STK32B: variants seen among roughly 807,000 people sequenced by gnomAD.
The protein encoded by STK32B is serine/threonine-protein kinase 32B.
In STK32B, 43 loss-of-function variants were observed where a neutral mutation model predicts 52.6. The ratio of observed to expected loss-of-function variants is 0.82; its 90% CI spans 0.64 to 1.05. The LOEUF is 1.05. Ranked by LOEUF, STK32B falls within the 50% of genes least tolerant of loss-of-function variation. The probability of loss-of-function intolerance (pLI) is 0.00; values close to 1 mark genes in which losing one functional copy is unlikely to be tolerated. For synonymous variants in STK32B, 238 were observed against 204.3 expected (o/e 1.17, Z -1.41); for missense variants, 621 against 534.6 (o/e 1.16, Z -1.59).
intron 3 of STK32B, among the ~76,000 whole-genome samples, chr4:5,176,744 T>G (rs532868027): frequency 1.3e-5 from 2 of 152,284 alleles, no homozygotes; most frequent in African/African-American, 4.8e-5. Context: ...GTGCCCAGCC[T>G]TAGGCACCAT....
intron 1 of STK32B, among the ~76,000 whole-genome samples, chr4:5,073,824 T>C (rs140669660): frequency 6.1e-4 from 93 of 152,222 alleles, no homozygotes; most frequent in Admixed American, 2.9e-3. Flanking sequence ...CTTTGTTTTT[T>C]TCTGAAAAGT....
At chr4:5,106,386 G>A (rs1714108831) in intron 1 of STK32B, among the ~76,000 whole-genome samples, 1 of 152,124 alleles carries the variant, frequency 6.6e-6, no homozygotes, top group African/African-American at 2.4e-5. Context: ...CATTTGCAAT[G>A]ATGTTTAAGA....
chr4:5,122,242 ACATTTACT>A (rs961479560), intron 1 of STK32B, among the ~76,000 whole-genome samples: 1 of 151,842 alleles, frequency 6.6e-6, no homozygotes, highest in African/African-American at 2.4e-5. Flanking sequence ...TCATTCACTC[ACATTTACT>A]CATTTACTCA....
At chr4:5,094,105 A>C (rs1577063931) in intron 1 of STK32B, among the ~76,000 whole-genome samples, 2 of 152,180 alleles carry the variant, frequency 1.3e-5, no homozygotes, top group Non-Finnish European at 2.9e-5. Flanking sequence ...TCTTACATTG[A>C]AAGTGCAGCT....
At chr4:5,235,058 G>A (rs996341239) in intron 3 of STK32B, among the ~76,000 whole-genome samples, 2 of 152,166 alleles carry the variant, frequency 1.3e-5, no homozygotes, top group Admixed American at 6.5e-5. Context: ...AGAACATTTC[G>A]TTTCTCAAGC....
intron 11 of STK32B, among the ~76,000 whole-genome samples, chr4:5,497,752 G>T (rs1178873962): frequency 2.6e-5 from 4 of 152,064 alleles, no homozygotes; most frequent in African/African-American, 9.7e-5. Flanking sequence ...CCTGTCTAAG[G>T]GCATAGACTG....
chr4:5,156,271 A>C (rs1560183204), intron 2 of STK32B, among the ~76,000 whole-genome samples: 1 of 151,818 alleles, frequency 6.6e-6, no homozygotes, highest in East Asian at 1.9e-4. Context: ...ATATAATATA[A>C]ATGCATGAAT....
At chr4:5,342,608 C>A (rs1733160788) in intron 4 of STK32B, among the ~76,000 whole-genome samples, 1 of 152,146 alleles carries the variant, frequency 6.6e-6, no homozygotes, top group African/African-American at 2.4e-5. Flanking sequence ...TGAGAAATCT[C>A]TCCCCAGGAT....
chr4:5,369,633 A>G (rs997971450), intron 4 of STK32B, among the ~76,000 whole-genome samples: 1 of 152,136 alleles, frequency 6.6e-6, no homozygotes, highest in Non-Finnish European at 1.5e-5. Flanking sequence ...ATGCTGACAC[A>G]TCATGCCTGC....
chr4:5,237,128 C>T (rs1724690690), intron 3 of STK32B, among the ~76,000 whole-genome samples: 1 of 152,110 alleles, frequency 6.6e-6, no homozygotes, highest in South Asian at 2.1e-4. Flanking sequence ...AGGCTGAAAT[C>T]CAGCTGGAAT....
At chr4:5,091,201 C>T (rs1713062088) in intron 1 of STK32B, among the ~76,000 whole-genome samples, 1 of 151,366 alleles carries the variant, frequency 6.6e-6, no homozygotes, top group Admixed American at 6.6e-5. Context: ...AACACAGTAA[C>T]AAAAAAGTAA....
chr4:5,084,820 GA>G (rs1265867530), intron 1 of STK32B, among the ~76,000 whole-genome samples: 3 of 152,078 alleles, frequency 2.0e-5, no homozygotes, highest in Non-Finnish European at 4.4e-5. Flanking sequence ...GTTTTTTAAA[GA>G]CAACCTTTAA....
intron 2 of STK32B, among the ~76,000 whole-genome samples, chr4:5,166,056 A>T (rs1343083272): frequency 6.6e-6 from 1 of 152,168 alleles, no homozygotes; most frequent in African/African-American, 2.4e-5. Context: ...GGAGTCGGAA[A>T]TCAGGCTTCT....
At chr4:5,486,789 A>G (rs1214613681) in intron 11 of STK32B, among the ~76,000 whole-genome samples, 1 of 152,264 alleles carries the variant, frequency 6.6e-6, no homozygotes, top group Non-Finnish European at 1.5e-5. Context: ...ATTGCAATTC[A>G]GGGCATACAT....
chr4:5,100,184 G>A (rs73089651), intron 1 of STK32B, among the ~76,000 whole-genome samples: 134 of 152,248 alleles, frequency 8.8e-4, no homozygotes, highest in African/African-American at 3.2e-3. Flanking sequence ...CACGGCCACC[G>A]TGATCCTCCT....
the STK32B span, among the ~76,000 whole-genome samples, chr4:5,023,027 G>A: frequency 7.2e-5 from 11 of 152,132 alleles, no homozygotes; most frequent in Admixed American, 3.3e-4. Flanking sequence ...GTGTATATGT[G>A]TGTGTTTGTG....
intron 2 of STK32B, among the ~76,000 whole-genome samples, chr4:5,167,128 T>G (rs972031944): frequency 2.7e-4 from 41 of 152,166 alleles, no homozygotes; most frequent in Admixed American, 2.6e-4. Context: ...TTCCCATCCT[T>G]TAGAGCTTGC....
the STK32B span, among the ~76,000 whole-genome samples, chr4:5,045,137 T>G: frequency 6.6e-6 from 1 of 152,210 alleles, no homozygotes; most frequent in Non-Finnish European, 1.5e-5. Context: ...TTCAGAGCCC[T>G]CCAGTGTGTG....
At chr4:5,430,613 AT>A (rs1029737776) in intron 6 of STK32B, among the ~76,000 whole-genome samples, 1 of 152,086 alleles carries the variant, frequency 6.6e-6, no homozygotes, top group East Asian at 1.9e-4. Context: ...GTGTCTGATA[AT>A]TTTTTATTAA....
Sources: allele counts gnomAD v4.1 joint callset (sites outside exome capture counted in the v4.1 genomes callset), GRCh38; gene constraint gnomAD v4.1.1; transcripts MANE v1.5; gene names NCBI Gene and HGNC (gene_info 2026-07-23, HGNC 2026-07-21).